Variants in SHLD2 observed in about 807,000 individuals in gnomAD.
SHLD2 encodes RINN1-REV7-interacting novel NHEJ regulator 2.
SHLD2 carries 30 observed loss-of-function variants against 73.2 expected under a neutral mutation model. The ratio of observed to expected loss-of-function variants is 0.41; its 90% CI spans 0.31 to 0.56. The LOEUF is 0.56. SHLD2 is among the 20% of genes least tolerant of loss of function. The pLI, the probability that SHLD2 is intolerant of heterozygous loss-of-function variation, is 0.28. For missense variants in SHLD2, 745 were observed against 1,055.9 expected (o/e 0.71, Z 4.08); for synonymous variants, 285 against 370.1 (o/e 0.77, Z 2.64).
intron 2 of SHLD2, among the ~76,000 whole-genome samples, chr10:87,139,446 A>G (rs1845027022): frequency 1.3e-5 from 2 of 152,230 alleles, no homozygotes; most frequent in Admixed American, 6.5e-5. Flanking sequence ...ACCCATAACC[A>G]GGAGAAAAAT....
chr10:87,134,344 G>T (rs1194687152), intron 2 of SHLD2, among the ~76,000 whole-genome samples: 1 of 152,178 alleles, frequency 6.6e-6, no homozygotes, highest in African/African-American at 2.4e-5. Flanking sequence ...GAAGAAACCC[G>T]TGGTTGCTCT....
intron 6 of SHLD2, 74 bp from the exon 7 acceptor site, chr10:87,175,815 A>G: frequency 7.0e-7 from 1 of 1,428,546 alleles, no homozygotes; most frequent in African/African-American, 1.4e-5. Flanking sequence ...TAATCAGATC[A>G]ATCTATTTAA....
At chr10:87,145,979 TC>T (rs1315014909) in intron 2 of SHLD2, among the ~76,000 whole-genome samples, 1 of 152,212 alleles carries the variant, frequency 6.6e-6, no homozygotes, top group Non-Finnish European at 1.5e-5. Context: ...ATATTTTGTT[TC>T]CCCCTGCCCT....
intron 8 of SHLD2, among the ~76,000 whole-genome samples, chr10:87,181,049 C>T (rs867545384): frequency 6.6e-6 from 1 of 151,626 alleles, no homozygotes; most frequent in Admixed American, 6.6e-5. Flanking sequence ...TTTGCTATTA[C>T]TGTGAAAGTT....
At chr10:87,156,750 A>T (rs1846459714) in intron 3 of SHLD2, among the ~76,000 whole-genome samples, 1 of 152,150 alleles carries the variant, frequency 6.6e-6, no homozygotes, top group Non-Finnish European at 1.5e-5. Context: ...TTTTCTGAAG[A>T]ACATGCATCC....
rs916234359 is a variant in SHLD2, at chr10:87,191,145, T to A, written c.*462T>A. 2 of 175,726 alleles carry A rather than the reference T, an allele frequency of 1.1e-5. No individual in the cohort carries two copies. Among genetic ancestry groups the A allele is most frequent in the African/African-American group, 4.8e-5 (2 of 41,290 alleles). 10.9% of individuals were successfully genotyped at this position (175,726 alleles called of 1,614,324 possible). A position where few individuals can be genotyped will look rare whatever the true frequency, so the allele number is the denominator to read the frequency against. On this transcript the variant is annotated 3_prime_UTR_variant, in exon 10 of 10. Coordinates refer to ENST00000298786, the MANE Select transcript of SHLD2 (RefSeq NM_001330112.2). ...GATAATGGATTAGTTTATATAAACCTATGTTTAGACAAGTTCAAGACAAGC... is the reference window on the plus strand; with the variant it reads ...GATAATGGATTAGTTTATATAAACCAATGTTTAGACAAGTTCAAGACAAGC...
At chr10:87,171,246 C>G (rs1328731865) in intron 6 of SHLD2, among the ~76,000 whole-genome samples, 2 of 152,138 alleles carry the variant, frequency 1.3e-5, no homozygotes, top group Non-Finnish European at 2.9e-5. Context: ...GAAGATCTTA[C>G]CTCCTTCAAA....
rs1375070891 is a variant in SHLD2, at chr10:87,152,783, A to T, written c.1429A>T (p.Ile477Phe). 2 of 1,611,886 alleles carry T rather than the reference A, an allele frequency of 1.2e-6. No individual in the cohort carries two copies. The highest frequency in any genetic ancestry group is 2.2e-5 in the South Asian group (2 of 90,936). The change falls in exon 3 of 10, where the codon ATT becomes TTT. Residue 477 changes from isoleucine (I) to phenylalanine (F), a missense_variant. Ile to Phe is a conservative substitution (Grantham distance 21). Transcript: ENST00000298786. ...SKVPLATVTV[I>F]DQSETKKKVF... is the part of the protein sequence containing the mutation. ...AGTGCCTTTAGCAACAGTTACAGTAATTGATCAATCAGAAACTAAGAAGAA... is the reference window on the plus strand; with the variant it reads ...AGTGCCTTTAGCAACAGTTACAGTATTTGATCAATCAGAAACTAAGAAGAA...
chr10:87,160,329 A>G (rs1195679768), intron 4 of SHLD2, among the ~76,000 whole-genome samples: 3 of 152,134 alleles, frequency 2.0e-5, no homozygotes, highest in East Asian at 3.9e-4. Flanking sequence ...TCTACTAAAA[A>G]TACGGAAAAA....
rs535895967 is a variant in SHLD2, at chr10:87,179,107, AC to A, written c.2171-966del. ...GAATAATGCTCAGGAAAACTCATAG[AC>A]CTCACCAGTACACAGTAAGACGAAA... On this transcript the variant is annotated intron_variant, in intron 7 of 9. Coordinates refer to ENST00000298786, the MANE Select transcript of SHLD2 (RefSeq NM_001330112.2). Among the ~76,000 whole-genome samples the A allele has an allele frequency of 2.1e-3, 327 of 152,328 alleles. 1 individual carries two copies. Among genetic ancestry groups the A allele is most frequent in the Non-Finnish European group, 2.5e-3 (169 of 68,032 alleles).
At chr10:87,145,228 G>A (rs2476304) in intron 2 of SHLD2, among the ~76,000 whole-genome samples, 102,800 of 151,844 alleles carry the variant, frequency 0.68, 35,452 homozygotes, top group East Asian at 0.84. Context: ...AAAAGAGTTC[G>A]GCATGAATAT....
intron 4 of SHLD2, among the ~76,000 whole-genome samples, chr10:87,164,543 G>A (rs1353591218): frequency 2.6e-5 from 4 of 152,140 alleles, no homozygotes; most frequent in African/African-American, 9.7e-5. Context: ...GTGAGCCATT[G>A]TGCCTGGCCA....
At chr10:87,157,914 G>C (rs1236675856) in intron 3 of SHLD2, 134 bp from the exon 4 acceptor site, 1 of 606,830 alleles carries the variant, frequency 1.6e-6, no homozygotes, top group Non-Finnish European at 2.7e-6. Flanking sequence ...GTGCCTTTAG[G>C]CAGGTTATTT....
chr10:87,128,188 A>T (rs1289464051), intron 2 of SHLD2, among the ~76,000 whole-genome samples: 2 of 152,164 alleles, frequency 1.3e-5, no homozygotes. Flanking sequence ...AACCATCCTC[A>T]ACTCATAGGT....
chr10:87,164,322 G>A (rs1230027135), intron 4 of SHLD2, among the ~76,000 whole-genome samples: 3 of 149,584 alleles, frequency 2.0e-5, no homozygotes, highest in Non-Finnish European at 4.5e-5. Flanking sequence ...GTGTGATCTC[G>A]GCTTACTCCA....
At chr10:87,124,743 ATT>A (rs1843865527) in intron 2 of SHLD2, among the ~76,000 whole-genome samples, 1 of 139,132 alleles carries the variant, frequency 7.2e-6, no homozygotes, top group Non-Finnish European at 1.5e-5. Context: ...AGTTAAAAAA[ATT>A]GTTTTTTTTT....
chr10:87,137,339 A>G (rs1844866530), intron 2 of SHLD2, among the ~76,000 whole-genome samples: 1 of 152,136 alleles, frequency 6.6e-6, no homozygotes, highest in East Asian at 1.9e-4. Context: ...GGTGAAAAAT[A>G]TACTAGCAGA....
intron 8 of SHLD2, among the ~76,000 whole-genome samples, chr10:87,183,860 T>A (rs1589671274): frequency 6.6e-6 from 1 of 152,250 alleles, no homozygotes; most frequent in East Asian, 1.9e-4. Context: ...CTCAGCCTCT[T>A]CTACCCCCTC....
At chr10:87,177,752 C>G (rs1170126130) in intron 7 of SHLD2, among the ~76,000 whole-genome samples, 2 of 151,984 alleles carry the variant, frequency 1.3e-5, no homozygotes. Context: ...GGCCTGAGTC[C>G]TTGTAAAGAA....
Sources: gnomAD v4.1 joint callset for allele counts (sites outside exome capture counted in the v4.1 genomes callset) on GRCh38, gnomAD v4.1.1 for gene constraint, MANE v1.5 for transcripts, NCBI Gene and HGNC (gene_info 2026-07-23, HGNC 2026-07-21) for gene names.